Variants in ADGRB3 observed in about 807,000 individuals in gnomAD.
The protein encoded by ADGRB3 is brain-specific angiogenesis inhibitor 3.
A neutral mutation model predicts 193.4 loss-of-function variants in ADGRB3; 37 were observed. The ratio of observed to expected loss-of-function variants is 0.19; its 90% confidence interval spans 0.15 to 0.25. The LOEUF (loss-of-function observed/expected upper bound fraction) is 0.25, where lower values mean the gene tolerates loss of function less well. Among genes scored for constraint, ADGRB3 ranks in the 10% least tolerant of loss-of-function variants. The probability of loss-of-function intolerance (pLI) is 1.00; values close to 1 mark genes in which losing one functional copy is unlikely to be tolerated. For synonymous variants in ADGRB3, 690 were observed against 644.2 expected (o/e 1.07, Z -1.08); for missense variants, 1,637 against 1,852.9 (o/e 0.88, Z 2.14).
intron 20 of ADGRB3, among the ~76,000 whole-genome samples, chr6:69,280,816 G>A (rs73471307): frequency 0.015 from 2,306 of 151,866 alleles, 53 homozygotes; most frequent in African/African-American, 0.049. Context: ...GGCTTTAATG[G>A]CAAAGCAAAA....
intron 13 of ADGRB3, among the ~76,000 whole-genome samples, chr6:69,035,444 A>G (rs1417124146): frequency 1.3e-5 from 2 of 152,146 alleles, no homozygotes; most frequent in Non-Finnish European, 2.9e-5. Context: ...TGATATAATA[A>G]TTAGTCAAGA....
chr6:68,887,756 A>G (rs1281647089), intron 3 of ADGRB3, among the ~76,000 whole-genome samples: 1 of 152,172 alleles, frequency 6.6e-6, no homozygotes, highest in Non-Finnish European at 1.5e-5. Flanking sequence ...AACACCTAAA[A>G]TATATTAAAG....
chr6:68,940,547 C>CTTTT lies in ADGRB3; in HGVS notation c.1031-3265_1031-3262dup. Reference sequence around the variant, plus strand: ...CTGCAGGCTAAGGAATGCTTTTGAACTTTTTTTTTTTTTTTTTTTTTGCTA... The same window carrying CTTTT: ...CTGCAGGCTAAGGAATGCTTTTGAACTTTTTTTTTTTTTTTTTTTTTTTTTGCTA... On this transcript the variant is annotated intron_variant, in intron 5 of 31. Transcript: ENST00000370598. Among the ~76,000 whole-genome samples the CTTTT allele has an allele frequency of 9.2e-4, 64 of 69,200 alleles. 11 individuals carry two copies. Among genetic ancestry groups the CTTTT allele is most frequent in the Middle Eastern group, 0.048 (2 of 42 alleles). The allele number at this position is 69,200 out of a possible 152,430, so 45.4% of individuals were successfully genotyped here.
At chr6:69,012,167 C>T (rs1006258786) in intron 11 of ADGRB3, among the ~76,000 whole-genome samples, 27 of 151,922 alleles carry the variant, frequency 1.8e-4, no homozygotes, top group African/African-American at 6.0e-4. Flanking sequence ...AGTCACCGAC[C>T]CACTGTCAGC....
chr6:69,040,905 T>C (rs527851666), intron 13 of ADGRB3, among the ~76,000 whole-genome samples: 1 of 152,284 alleles, frequency 6.6e-6, no homozygotes, highest in East Asian at 1.9e-4. Flanking sequence ...GTCTGTGTAC[T>C]TTTGAGTATC....
chr6:69,291,368 A>G (rs140623815), intron 20 of ADGRB3, among the ~76,000 whole-genome samples: 27 of 152,274 alleles, frequency 1.8e-4, no homozygotes, highest in Admixed American at 1.6e-3. Flanking sequence ...TATTATTCCT[A>G]TTTCAAAGAG....
At chr6:68,715,445 C>A (rs1464087884) in intron 3 of ADGRB3, among the ~76,000 whole-genome samples, 4 of 151,556 alleles carry the variant, frequency 2.6e-5, no homozygotes, top group Non-Finnish European at 5.9e-5. Context: ...CAATATTAGA[C>A]CCTTTTCAAT....
chr6:69,125,543 G>A (rs1773829133), intron 17 of ADGRB3, among the ~76,000 whole-genome samples: 1 of 152,104 alleles, frequency 6.6e-6, no homozygotes, highest in African/African-American at 2.4e-5. Flanking sequence ...TCTATGAACA[G>A]CCCTTCCACG....
intron 3 of ADGRB3, among the ~76,000 whole-genome samples, chr6:68,816,110 A>T (rs940041896): frequency 6.6e-6 from 1 of 152,184 alleles, no homozygotes; most frequent in East Asian, 1.9e-4. Flanking sequence ...AAATTAGTTG[A>T]TATTATATGA....
At chr6:69,347,501 C>T (rs1005709057) in intron 26 of ADGRB3, among the ~76,000 whole-genome samples, 5 of 152,084 alleles carry the variant, frequency 3.3e-5, no homozygotes, top group African/African-American at 1.2e-4. Context: ...GGGCCAGGCA[C>T]AGTGGCTCAT....
chr6:69,388,120 A>G (rs990190658), intron 31 of ADGRB3, among the ~76,000 whole-genome samples: 10 of 143,052 alleles, frequency 7.0e-5, no homozygotes, highest in South Asian at 2.3e-4. Flanking sequence ...CATAATTATT[A>G]ATTTTAGTCA....
At chr6:68,812,972 C>A (rs1459046135) in intron 3 of ADGRB3, among the ~76,000 whole-genome samples, 2 of 151,994 alleles carry the variant, frequency 1.3e-5, no homozygotes, top group African/African-American at 4.8e-5. Context: ...ATGGTTTGAA[C>A]TTTAGGAATT....
chr6:69,064,555 A>G (rs1771842775), intron 16 of ADGRB3, among the ~76,000 whole-genome samples: 1 of 152,066 alleles, frequency 6.6e-6, no homozygotes, highest in Non-Finnish European at 1.5e-5. Flanking sequence ...TTGCTTTTGA[A>G]TAAAGAATTT....
chr6:69,328,422 A>C (rs1310471107), intron 22 of ADGRB3, among the ~76,000 whole-genome samples: 1 of 152,160 alleles, frequency 6.6e-6, no homozygotes, highest in Non-Finnish European at 1.5e-5. Context: ...ATATCAGCTT[A>C]TTTTATAGTG....
intron 30 of ADGRB3, among the ~76,000 whole-genome samples, chr6:69,374,221 T>C (rs1036754854): frequency 3.7e-4 from 57 of 152,086 alleles, no homozygotes; most frequent in African/African-American, 1.2e-3. Flanking sequence ...CTTAGTCTCA[T>C]GTGCTATAAC....
At chr6:69,129,108 A>G (rs1273849988) in intron 17 of ADGRB3, among the ~76,000 whole-genome samples, 1 of 152,008 alleles carries the variant, frequency 6.6e-6, no homozygotes, top group East Asian at 1.9e-4. Flanking sequence ...AACCCTCTAC[A>G]CTCACCTTCA....
intron 20 of ADGRB3, among the ~76,000 whole-genome samples, chr6:69,284,177 C>G (rs1262847733): frequency 6.6e-6 from 1 of 152,172 alleles, no homozygotes; most frequent in African/African-American, 2.4e-5. Context: ...TTCACCTTGC[C>G]TGGCAGTGCT....
chr6:68,893,097 A>T (rs1766124880), intron 3 of ADGRB3, among the ~76,000 whole-genome samples: 1 of 152,150 alleles, frequency 6.6e-6, no homozygotes, highest in Non-Finnish European at 1.5e-5. Context: ...TAACAATATG[A>T]AATTAACATC....
At chr6:69,226,927 A>G (rs1766029565) in intron 17 of ADGRB3, among the ~76,000 whole-genome samples, 1 of 152,224 alleles carries the variant, frequency 6.6e-6, no homozygotes, top group Non-Finnish European at 1.5e-5. Context: ...AACAAGTCAC[A>G]CATCATTTCC....
Sources: gnomAD v4.1 joint callset for allele counts (sites outside exome capture counted in the v4.1 genomes callset) on GRCh38, gnomAD v4.1.1 for gene constraint, MANE v1.5 for transcripts, NCBI Gene and HGNC (gene_info 2026-07-23, HGNC 2026-07-21) for gene names.